The following ARHGAP42 variants were observed in gnomAD, a reference collection of about 807,000 sequenced individuals.
ARHGAP42 encodes Rho GTPase activating protein 42, also known as rho GTPase-activating protein 42.
In ARHGAP42, 63 loss-of-function variants were observed where a neutral mutation model predicts 125.0. That is an observed-to-expected ratio of 0.50 (90% confidence interval 0.41 to 0.62). ARHGAP42 has a LOEUF of 0.62. Ranked by LOEUF, ARHGAP42 falls within the 20% of genes least tolerant of loss-of-function variation. ARHGAP42 has a pLI of 0.00. For synonymous variants in ARHGAP42, 339 were observed against 351.0 expected (o/e 0.97, Z 0.38); for missense variants, 766 against 1,024.2 (o/e 0.75, Z 3.44).
At chr11:100,710,457 G>C (rs1861542822) in intron 1 of ARHGAP42, among the ~76,000 whole-genome samples, 1 of 147,444 alleles carries the variant, frequency 6.8e-6, no homozygotes, top group Non-Finnish European at 1.5e-5. Context: ...GGCTGGTCTT[G>C]AACTCCTGAC....
intron 1 of ARHGAP42, among the ~76,000 whole-genome samples, chr11:100,764,797 T>C (rs1862791964): frequency 6.6e-6 from 1 of 152,164 alleles, no homozygotes; most frequent in Non-Finnish European, 1.5e-5. Flanking sequence ...CTTGGATACT[T>C]GGTTAGTGTT....
At position 100,899,282 on chromosome 11, in the gene ARHGAP42, T is replaced by A. The variant is rs187955410; in HGVS notation, c.385-14170T>A. Reference sequence around the variant, plus strand: ...TCCAACTATGTGGTCAATTTTAGAATAAGTGCAATCTGGTGCTGAGAAGAA... The same window carrying A: ...TCCAACTATGTGGTCAATTTTAGAAAAAGTGCAATCTGGTGCTGAGAAGAA... On this transcript the variant is annotated intron_variant, in intron 4 of 23. Coordinates refer to ENST00000298815, the MANE Select transcript of ARHGAP42 (RefSeq NM_152432.4). Among the ~76,000 whole-genome samples the A allele has an allele frequency of 7.2e-5, 11 of 152,340 alleles. No homozygotes were observed. In the East Asian group the frequency reaches 2.1e-3, roughly 29 times the overall value.
chr11:100,933,557 T>C (rs1210115722), intron 7 of ARHGAP42, among the ~76,000 whole-genome samples: 2 of 152,202 alleles, frequency 1.3e-5, no homozygotes, highest in African/African-American at 4.8e-5. Flanking sequence ...GTAATAACAC[T>C]GTATTGAATA....
At chr11:100,746,193 C>CTTAA in intron 1 of ARHGAP42, among the ~76,000 whole-genome samples, 1 of 152,216 alleles carries the variant, frequency 6.6e-6, no homozygotes, top group East Asian at 1.9e-4. Flanking sequence ...CTTGCAAATT[C>CTTAA]TTAAGCTCAT....
intron 3 of ARHGAP42, among the ~76,000 whole-genome samples, chr11:100,855,080 C>T (rs571406454): frequency 6.6e-6 from 1 of 152,106 alleles, no homozygotes; most frequent in East Asian, 1.9e-4. Context: ...TGAACTGTAC[C>T]ATTTATGTTT....
chr11:100,947,055 A>G (rs117949916), intron 10 of ARHGAP42, among the ~76,000 whole-genome samples: 3,597 of 151,930 alleles, frequency 0.024, 78 homozygotes, highest in Non-Finnish European at 0.035. Flanking sequence ...TCCACTTACT[A>G]AGTTTCTCCT....
intron 22 of ARHGAP42, among the ~76,000 whole-genome samples, chr11:100,984,194 C>T (rs1858616338): frequency 6.6e-6 from 1 of 151,400 alleles, no homozygotes; most frequent in African/African-American, 2.4e-5. Context: ...TATTGGTAAA[C>T]TGTCATGGGC....
Position 100,699,584 on chromosome 11 carries a change from G to A in ARHGAP42, c.154+11752G>A, listed in dbSNP as rs1351236810. Among the ~76,000 whole-genome samples, 9 of 128,170 alleles carry A rather than the reference G, an allele frequency of 7.0e-5. No individual in the cohort carries two copies. In the East Asian group the frequency reaches 1.6e-3, roughly 23 times the overall value. The allele number at this position is 128,170 out of a possible 152,430, so 84.1% of individuals were successfully genotyped here. A position where few individuals can be genotyped will look rare whatever the true frequency, so the allele number is the denominator to read the frequency against. ...GTCACCCAGGCTGGAGGGCAATGGCGTGATCTCGGCTCACTGCAACCTCTG... is the reference window on the plus strand; with the variant it reads ...GTCACCCAGGCTGGAGGGCAATGGCATGATCTCGGCTCACTGCAACCTCTG... On this transcript the variant is annotated intron_variant, in intron 1 of 23. Coordinates refer to ENST00000298815, the MANE Select transcript of ARHGAP42 (RefSeq NM_152432.4).
intron 3 of ARHGAP42, chr11:100,840,705 A>G (rs1487739572): frequency 1.3e-5 from 2 of 152,144 alleles, no homozygotes; most frequent in Non-Finnish European, 2.9e-5. Flanking sequence ...GCATTCCAAT[A>G]TTTTTATGGT....
At chr11:100,699,897 A>G (rs1242036383) in intron 1 of ARHGAP42, among the ~76,000 whole-genome samples, 1 of 152,000 alleles carries the variant, frequency 6.6e-6, no homozygotes, top group African/African-American at 2.4e-5. Context: ...TGAGTTCTCT[A>G]TGGGAGGACC....
At chr11:100,792,301 AAAT>A (rs1488951121) in intron 2 of ARHGAP42, among the ~76,000 whole-genome samples, 2 of 152,228 alleles carry the variant, frequency 1.3e-5, no homozygotes, top group African/African-American at 4.8e-5. Context: ...ACTAGTATGA[AAAT>A]AAAGCATTTG....
At chr11:100,780,666 C>G (rs1011057370) in intron 2 of ARHGAP42, among the ~76,000 whole-genome samples, 1 of 152,216 alleles carries the variant, frequency 6.6e-6, no homozygotes, top group Admixed American at 6.5e-5. Flanking sequence ...TTGTAGCTTT[C>G]TCTTGCCTCT....
chr11:100,849,978 A>G (rs1033704543), intron 3 of ARHGAP42, among the ~76,000 whole-genome samples: 2 of 152,190 alleles, frequency 1.3e-5, no homozygotes, highest in Non-Finnish European at 2.9e-5. Flanking sequence ...AGAATTATGT[A>G]TGAGAAATGC....
chr11:100,943,238 A>G (rs77067032), intron 9 of ARHGAP42, among the ~76,000 whole-genome samples: 7,521 of 152,004 alleles, frequency 0.049, 321 homozygotes, highest in East Asian at 0.25. Flanking sequence ...CAATACTATT[A>G]TATCATGTAT....
chr11:100,929,164 C>A (rs959145519), intron 6 of ARHGAP42, among the ~76,000 whole-genome samples: 49 of 152,254 alleles, frequency 3.2e-4, no homozygotes, highest in Admixed American at 2.9e-3. Flanking sequence ...ACCTGTTCCA[C>A]TTCAGATCAT....
intron 1 of ARHGAP42, among the ~76,000 whole-genome samples, chr11:100,727,824 C>G (rs1217619092): frequency 2.6e-5 from 4 of 152,164 alleles, no homozygotes; most frequent in African/African-American, 9.7e-5. Flanking sequence ...GTGATACACT[C>G]CAGCAAATTA....
chr11:100,830,577 T>G lies in ARHGAP42; in HGVS notation c.313-28977T>G, dbSNP rs1484542968. ...GCTGCAGTGTCACAAGATCCTCAGG[T>G]GTTTCTTGTGTGCATTAAAGTCTGA... is the stretch of plus-strand genomic sequence containing the variant. On this transcript the variant is annotated intron_variant, in intron 3 of 23. Transcript: ENST00000298815. 2.0e-5 allele frequency among the ~76,000 whole-genome samples: 3 copies of G among 152,164 alleles called. No individual in the cohort carries two copies. In the East Asian group the frequency reaches 5.8e-4, roughly 29 times the overall value.
chr11:100,988,242 A>G (rs1016334630), intron 23 of ARHGAP42, among the ~76,000 whole-genome samples: 11 of 152,176 alleles, frequency 7.2e-5, no homozygotes, highest in Admixed American at 3.9e-4. Context: ...TTATTTGACT[A>G]TGTGAATGCA....
At chr11:100,883,427 C>G (rs1374589601) in intron 4 of ARHGAP42, among the ~76,000 whole-genome samples, 1 of 152,180 alleles carries the variant, frequency 6.6e-6, no homozygotes, top group Non-Finnish European at 1.5e-5. Context: ...ACTGCATTCT[C>G]TGCCTCCTGA....
Sources: allele counts gnomAD v4.1 joint callset (sites outside exome capture counted in the v4.1 genomes callset), GRCh38; gene constraint gnomAD v4.1.1; transcripts MANE v1.5; gene names NCBI Gene and HGNC (gene_info 2026-07-23, HGNC 2026-07-21).